PDE1A: variants seen among roughly 807,000 people sequenced by gnomAD.
PDE1A encodes the protein phosphodiesterase 1A.
PDE1A carries 35 observed loss-of-function variants against 61.7 expected under a neutral mutation model. The ratio of observed to expected loss-of-function variants is 0.57; its 90% confidence interval spans 0.43 to 0.75. The LOEUF (loss-of-function observed/expected upper bound fraction) is 0.75. Ranked by LOEUF, PDE1A falls within the 30% of genes least tolerant of loss-of-function variation. PDE1A has a pLI of 0.00. For synonymous variants in PDE1A, 232 were observed against 213.2 expected, an observed-to-expected ratio of 1.09 and a Z score of -0.77; for missense variants, 597 against 630.6, an observed-to-expected ratio of 0.95 and a Z score of 0.57.
chr2:182,382,146 A>G (rs1481063613), intron 1 of PDE1A, among the ~76,000 whole-genome samples: 5 of 152,190 alleles, frequency 3.3e-5, no homozygotes, highest in African/African-American at 1.2e-4. Context: ...ATGATAAAAT[A>G]TTACTCTGCT....
At chr2:182,271,372 A>G (rs1477260987) in intron 1 of PDE1A, among the ~76,000 whole-genome samples, 1 of 152,094 alleles carries the variant, frequency 6.6e-6, no homozygotes, top group Non-Finnish European at 1.5e-5. Context: ...TAAAGGAGCA[A>G]AATAATCCTA....
intron 2 of PDE1A, among the ~76,000 whole-genome samples, chr2:182,497,266 A>G (rs1194759584): frequency 6.6e-6 from 1 of 152,188 alleles, no homozygotes; most frequent in African/African-American, 2.4e-5. Context: ...CGTTTTCGGG[A>G]GTGTGGAAAC....
chr2:182,650,649 A>C, the PDE1A span, among the ~76,000 whole-genome samples: 32 of 152,366 alleles, frequency 2.1e-4, no homozygotes, highest in African/African-American at 7.5e-4. Flanking sequence ...TATACAAGGT[A>C]ATTAAGTAAA....
intron 13 of PDE1A, among the ~76,000 whole-genome samples, chr2:182,154,743 A>G (rs1202432722): frequency 6.6e-6 from 1 of 152,164 alleles, no homozygotes; most frequent in South Asian, 2.1e-4. Flanking sequence ...TAAATTACCT[A>G]GTCTCAAGTA....
chr2:182,322,024 C>T (rs1044298935), intron 1 of PDE1A, among the ~76,000 whole-genome samples: 1 of 152,054 alleles, frequency 6.6e-6, no homozygotes, highest in South Asian at 2.1e-4. Flanking sequence ...GGTGTTCTGT[C>T]CCTAATCGTT....
chr2:182,616,811 C>T, the PDE1A span, among the ~76,000 whole-genome samples: 3 of 152,154 alleles, frequency 2.0e-5, no homozygotes, highest in East Asian at 3.9e-4. Flanking sequence ...CTGGGGACAG[C>T]GGGTATGGGC....
At chr2:182,654,429 T>C in the PDE1A span, among the ~76,000 whole-genome samples, 2 of 152,206 alleles carry the variant, frequency 1.3e-5, no homozygotes, top group African/African-American at 4.8e-5. Flanking sequence ...TTCTTGGTGT[T>C]GGGAGCTGGA....
chr2:182,669,516 TTTG>T, the PDE1A span, among the ~76,000 whole-genome samples: 35 of 152,358 alleles, frequency 2.3e-4, no homozygotes, highest in East Asian at 4.2e-3. Context: ...GACTTTACCT[TTTG>T]TTAAGATCTC....
chr2:182,663,210 G>A, the PDE1A span, among the ~76,000 whole-genome samples: 1 of 152,140 alleles, frequency 6.6e-6, no homozygotes, highest in African/African-American at 2.4e-5. Flanking sequence ...CAGAGAAAAA[G>A]GAACACTTAT....
chr2:182,295,057 C>CTTTTTTTTTTTTTTTTTTTTT lies in PDE1A; in HGVS notation c.54-30664_54-30644dup, dbSNP rs11420821. 6.7e-5 allele frequency among the ~76,000 whole-genome samples: 4 copies of CTTTTTTTTTTTTTTTTTTTTT among 59,350 alleles called. 2 individuals carry two copies. Among genetic ancestry groups the CTTTTTTTTTTTTTTTTTTTTT allele is most frequent in the Non-Finnish European group, 1.2e-4 (4 of 33,744 alleles). The allele number at this position is 59,350 out of a possible 152,430, so 38.9% of individuals were successfully genotyped here. The stretch of plus-strand genomic sequence containing the variant: ...ACGACCAATCAAAATAAAAGGTAAT[C>CTTTTTTTTTTTTTTTTTTTTT]TTTTTTTTTTTTTTTTTTTTTTTTT... On this transcript the variant is annotated intron_variant, in intron 1 of 13. Transcript: ENST00000351439.
At chr2:182,219,666 G>GACTT (rs1300385726) in intron 7 of PDE1A, among the ~76,000 whole-genome samples, 5 of 152,034 alleles carry the variant, frequency 3.3e-5, no homozygotes, top group African/African-American at 9.7e-5. Flanking sequence ...CCTCACTCCA[G>GACTT]ACTTACTGTT....
intron 1 of PDE1A, among the ~76,000 whole-genome samples, chr2:182,363,919 C>G (rs542399349): frequency 2.6e-4 from 39 of 152,018 alleles, no homozygotes; most frequent in East Asian, 3.9e-4. Context: ...ATAGAAAGAA[C>G]AAGCCATGGT....
chr2:182,662,895 C>A, the PDE1A span, among the ~76,000 whole-genome samples: 1 of 152,054 alleles, frequency 6.6e-6, no homozygotes, highest in Non-Finnish European at 1.5e-5. Flanking sequence ...AAACGGACAA[C>A]CTAGAGAATG....
intron 2 of PDE1A, among the ~76,000 whole-genome samples, chr2:182,521,967 T>C (rs1690594619): frequency 6.6e-6 from 1 of 152,150 alleles, no homozygotes; most frequent in African/African-American, 2.4e-5. Context: ...TCCCGGCAAA[T>C]GGCTTTCTTA....
the PDE1A span, among the ~76,000 whole-genome samples, chr2:182,660,949 A>G: frequency 1.3e-5 from 2 of 152,246 alleles, no homozygotes; most frequent in African/African-American, 4.8e-5. Flanking sequence ...ATAATTTGTT[A>G]CATAGCAATA....
intron 1 of PDE1A, among the ~76,000 whole-genome samples, chr2:182,422,757 A>G (rs942200146): frequency 3.9e-5 from 6 of 152,204 alleles, no homozygotes; most frequent in African/African-American, 1.4e-4. Flanking sequence ...GATCTCTGGG[A>G]ATATAGAAAC....
the PDE1A span, among the ~76,000 whole-genome samples, chr2:182,534,859 T>A: frequency 2.0e-5 from 3 of 152,016 alleles, no homozygotes; most frequent in African/African-American, 7.2e-5. Flanking sequence ...TTTCCTAAAG[T>A]CAATATCCAA....
chr2:182,229,780 C>CTTCTT (rs1559223082), intron 6 of PDE1A, among the ~76,000 whole-genome samples: 1 of 139,284 alleles, frequency 7.2e-6, no homozygotes. Context: ...TTTTGGGAAA[C>CTTCTT]TTTTTTTTTT....
At chr2:182,661,524 C>A in the PDE1A span, among the ~76,000 whole-genome samples, 5 of 152,038 alleles carry the variant, frequency 3.3e-5, no homozygotes, top group Non-Finnish European at 5.9e-5. Flanking sequence ...AACAGAGTAA[C>A]CCCCATCACT....
Sources: gnomAD v4.1 joint callset for allele counts (sites outside exome capture counted in the v4.1 genomes callset) on GRCh38, gnomAD v4.1.1 for gene constraint, MANE v1.5 for transcripts, NCBI Gene and HGNC (gene_info 2026-07-23, HGNC 2026-07-21) for gene names.